GPM6A: variants seen among roughly 807,000 people sequenced by gnomAD.
GPM6A encodes the protein glycoprotein M6A, also known as neuronal membrane glycoprotein M6-a.
Under a neutral mutation model 32.1 loss-of-function variants are expected in GPM6A, and 7 were observed. The observed-to-expected ratio is 0.22, with a 90% CI of 0.12 to 0.41. The LOEUF (loss-of-function observed/expected upper bound fraction) is 0.41, where lower values mean the gene tolerates loss of function less well. Ranked by LOEUF, GPM6A falls within the 10% of genes least tolerant of loss-of-function variation. The probability of loss-of-function intolerance (pLI) is 1.00; values close to 1 mark genes in which losing one functional copy is unlikely to be tolerated. For missense variants in GPM6A, 235 were observed against 347.2 expected (o/e 0.68, Z 2.57); for synonymous variants, 130 against 123.4 (o/e 1.05, Z -0.35).
chr4:175,996,388 G>GA (rs886866344), intron 1 of GPM6A, among the ~76,000 whole-genome samples: 2 of 152,136 alleles, frequency 1.3e-5, no homozygotes, highest in African/African-American at 4.8e-5. Context: ...ACACATTCTT[G>GA]AAAAATAAAG....
At chr4:175,667,449 A>G (rs1742812252) in intron 3 of GPM6A, among the ~76,000 whole-genome samples, 1 of 152,206 alleles carries the variant, frequency 6.6e-6, no homozygotes, top group South Asian at 2.1e-4. Flanking sequence ...TGTAGTTCTT[A>G]GTAGTCTAAG....
At chr4:176,002,171 C>T (rs775166726) in intron 1 of GPM6A, 4 of 853,620 alleles carry the variant, frequency 4.7e-6, no homozygotes, top group Middle Eastern at 2.3e-4. Context: ...GGGCGGGGGG[C>T]GGGGGACGCC....
intron 1 of GPM6A, among the ~76,000 whole-genome samples, chr4:175,788,533 C>G (rs1281345590): frequency 6.6e-6 from 1 of 152,100 alleles, no homozygotes; most frequent in African/African-American, 2.4e-5. Context: ...AAGCATCATA[C>G]AGATGCAAAT....
intron 1 of GPM6A, among the ~76,000 whole-genome samples, chr4:175,987,552 GTT>G (rs1491405337): frequency 6.6e-6 from 1 of 150,812 alleles, no homozygotes; most frequent in South Asian, 2.1e-4. Context: ...GTGTGTGTGT[GTT>G]TGTCTTTATA....
intron 1 of GPM6A, among the ~76,000 whole-genome samples, chr4:175,748,904 T>C (rs1732208694): frequency 6.6e-6 from 1 of 152,234 alleles, no homozygotes; most frequent in Non-Finnish European, 1.5e-5. Flanking sequence ...CTGCAGCTTC[T>C]ACATTAGTAC....
intron 6 of GPM6A, among the ~76,000 whole-genome samples, chr4:175,639,063 G>A (rs1236760958): frequency 7.2e-6 from 1 of 139,620 alleles, no homozygotes; most frequent in African/African-American, 2.6e-5. Flanking sequence ...TCTATATAGA[G>A]GTCACTGTAT....
At chr4:175,954,917 A>C (rs1257251530) in intron 1 of GPM6A, among the ~76,000 whole-genome samples, 1 of 152,242 alleles carries the variant, frequency 6.6e-6, no homozygotes, top group Non-Finnish European at 1.5e-5. Flanking sequence ...CTGAGAAGGT[A>C]CTACAGGCGC....
At chr4:175,886,480 A>G (rs1172537717) in intron 1 of GPM6A, among the ~76,000 whole-genome samples, 1 of 152,130 alleles carries the variant, frequency 6.6e-6, no homozygotes, top group Non-Finnish European at 1.5e-5. Flanking sequence ...AACTCACAGA[A>G]CCTTACTGAA....
chr4:175,914,900 C>T (rs1445671665), intron 1 of GPM6A, among the ~76,000 whole-genome samples: 1 of 152,154 alleles, frequency 6.6e-6, no homozygotes, highest in Non-Finnish European at 1.5e-5. Flanking sequence ...TCACAAGACA[C>T]ACCCCAAGCA....
At chr4:175,635,629 T>C (rs890027167) in intron 6 of GPM6A, among the ~76,000 whole-genome samples, 5 of 152,178 alleles carry the variant, frequency 3.3e-5, no homozygotes, top group African/African-American at 1.2e-4. Context: ...TATATGTATA[T>C]ACATTCACAA....
chr4:175,670,038 C>T (rs1215390765), intron 3 of GPM6A, among the ~76,000 whole-genome samples: 9 of 151,842 alleles, frequency 5.9e-5, no homozygotes. Flanking sequence ...ACACTTTGGT[C>T]TCAAACTTCT....
chr4:175,930,197 G>A (rs570229674), intron 1 of GPM6A, among the ~76,000 whole-genome samples: 16 of 152,026 alleles, frequency 1.1e-4, no homozygotes, highest in Admixed American at 2.0e-4. Context: ...ATCTTCTTTC[G>A]TTAATAACAT....
At chr4:175,662,136 G>T (rs1253896623) in intron 3 of GPM6A, among the ~76,000 whole-genome samples, 1 of 151,970 alleles carries the variant, frequency 6.6e-6, no homozygotes, top group Non-Finnish European at 1.5e-5. Context: ...AATGGAATGA[G>T]GCATACCAAA....
At position 175,886,411 on chromosome 4, in the gene GPM6A, T is replaced by C. The variant is rs555899786; in HGVS notation, c.-22-74162A>G. The stretch of plus-strand genomic sequence containing the variant: ...AGCTAGAACCTTAAAGCAGGCTAAA[T>C]TGCCTTTCAAGAAAGAGTGTGAAAC... On this transcript the variant is annotated intron_variant, in intron 1 of 7. Transcript: ENST00000280187. Among the ~76,000 whole-genome samples, 9 of 152,252 alleles carry C rather than the reference T, an allele frequency of 5.9e-5. 1 individual carries two copies. In the South Asian group the frequency reaches 1.9e-3, roughly 32 times the overall value.
chr4:175,745,294 T>C (rs1456166545), intron 1 of GPM6A, among the ~76,000 whole-genome samples: 4 of 152,232 alleles, frequency 2.6e-5, no homozygotes, highest in African/African-American at 7.2e-5. Context: ...TATTCAGCAG[T>C]AGCTTAACAA....
At chr4:175,729,457 T>C (rs1249978467) in intron 1 of GPM6A, among the ~76,000 whole-genome samples, 2 of 152,158 alleles carry the variant, frequency 1.3e-5, no homozygotes, top group African/African-American at 4.8e-5. Context: ...AAGATCTCCC[T>C]GTCTATTTAA....
intron 1 of GPM6A, among the ~76,000 whole-genome samples, chr4:175,733,364 C>T (rs1483735049): frequency 2.6e-5 from 4 of 151,840 alleles, no homozygotes; most frequent in African/African-American, 4.8e-5. Context: ...ATTATCCAGG[C>T]ATGGTGGCAC....
At chr4:175,699,882 C>G (rs565514149) in intron 2 of GPM6A, among the ~76,000 whole-genome samples, 2 of 152,074 alleles carry the variant, frequency 1.3e-5, no homozygotes, top group Non-Finnish European at 2.9e-5. Context: ...ATGTATAACT[C>G]TATTCTCATT....
intron 1 of GPM6A, among the ~76,000 whole-genome samples, chr4:175,748,969 A>T (rs1365897855): frequency 6.6e-6 from 1 of 152,126 alleles, no homozygotes; most frequent in Non-Finnish European, 1.5e-5. Flanking sequence ...TAAACCTCAT[A>T]AATGAAGATC....
Sources: allele counts gnomAD v4.1 joint callset (sites outside exome capture counted in the v4.1 genomes callset), GRCh38; gene constraint gnomAD v4.1.1; transcripts MANE v1.5; gene names NCBI Gene and HGNC (gene_info 2026-07-23, HGNC 2026-07-21).